RSF1: variants seen among roughly 807,000 people sequenced by gnomAD.
RSF1 encodes the protein HBV pX-associated protein 8.
In RSF1, 13 loss-of-function variants were observed where a neutral mutation model predicts 145.2. The observed-to-expected ratio is 0.09, with a 90% CI of 0.06 to 0.14. RSF1 has a LOEUF of 0.14. Among genes scored for constraint, RSF1 ranks in the 10% least tolerant of loss-of-function variants. The probability of loss-of-function intolerance (pLI) is 1.00; values close to 1 mark genes in which losing one functional copy is unlikely to be tolerated. For missense variants in RSF1, 1,517 were observed against 1,718.2 expected (o/e 0.88, Z 2.07); for synonymous variants, 577 against 592.6 (o/e 0.97, Z 0.38).
the RSF1 span, among the ~76,000 whole-genome samples, chr11:77,867,690 G>C: frequency 2.0e-5 from 3 of 152,176 alleles, no homozygotes; most frequent in Non-Finnish European, 1.5e-5. Flanking sequence ...AGTAGGTTGG[G>C]CTGGTAGTTC....
the RSF1 span, among the ~76,000 whole-genome samples, chr11:77,867,890 T>G: frequency 6.6e-6 from 1 of 152,164 alleles, no homozygotes; most frequent in Non-Finnish European, 1.5e-5. Context: ...CTGGGAAGAT[T>G]AGGAAGTTCA....
chr11:77,668,714 A>G (rs1257729036), intron 15 of RSF1, among the ~76,000 whole-genome samples: 1 of 152,202 alleles, frequency 6.6e-6, no homozygotes, highest in Non-Finnish European at 1.5e-5. Context: ...TATTCTAGAG[A>G]TTTATTTAAA....
intron 2 of RSF1, among the ~76,000 whole-genome samples, chr11:77,750,153 T>G (rs1948046823): frequency 2.0e-5 from 3 of 151,416 alleles, no homozygotes; most frequent in Admixed American, 1.3e-4. Context: ...TAACCTACTG[T>G]TACCACAAAA....
At chr11:77,841,499 C>T in the RSF1 span, among the ~76,000 whole-genome samples, 1 of 152,144 alleles carries the variant, frequency 6.6e-6, no homozygotes, top group East Asian at 1.9e-4. Flanking sequence ...CTTTCTCTCT[C>T]TACTGATGGA....
chr11:77,853,660 A>T, the RSF1 span, among the ~76,000 whole-genome samples: 1 of 152,132 alleles, frequency 6.6e-6, no homozygotes, highest in Non-Finnish European at 1.5e-5. Flanking sequence ...AATTACAGCC[A>T]TGCCAGGCAG....
At chr11:77,837,322 A>G in the RSF1 span, among the ~76,000 whole-genome samples, 1 of 152,080 alleles carries the variant, frequency 6.6e-6, no homozygotes, top group East Asian at 1.9e-4. Flanking sequence ...TTTTTAGTAG[A>G]GACAGGGTTT....
At chr11:77,688,557 G>T (rs72947625) in intron 9 of RSF1, among the ~76,000 whole-genome samples, 25,836 of 152,182 alleles carry the variant, frequency 0.17, 2,670 homozygotes, top group Non-Finnish European at 0.24. Context: ...ATTTCATACA[G>T]GATCATTCTT....
At chr11:77,668,910 C>A (rs1959445253) in intron 15 of RSF1, among the ~76,000 whole-genome samples, 1 of 13,642 alleles carries the variant, frequency 7.3e-5, no homozygotes, top group South Asian at 4.9e-3. Context: ...CATCTATGTG[C>A]TAACGGCTCT....
chr11:77,700,852 C>T lies in RSF1; in HGVS notation c.2377G>A (p.Asp793Asn). ...CCTCTTTTTTTATCAGCTTTCTGAT[C>T]TCTGATCTCAGCCACTTTTGCAGTG... ...RPTAKVAEIR[D>N]QKADKKRGEG... Residue 793 changes from aspartate (D) to asparagine (N), a missense_variant, in exon 6 of 16, where the codon GAT becomes AAT. Coordinates refer to ENST00000308488, the MANE Select transcript of RSF1 (RefSeq NM_016578.4). 3 of 1,613,726 alleles carry T rather than the reference C, an allele frequency of 1.9e-6. No individual in the cohort carries two copies. The highest frequency in any genetic ancestry group is 2.5e-6 in the Non-Finnish European group (3 of 1,179,994).
At chr11:77,780,811 C>T (rs945407426) in intron 1 of RSF1, among the ~76,000 whole-genome samples, 75 of 121,884 alleles carry the variant, frequency 6.2e-4, no homozygotes, top group African/African-American at 2.2e-3. Flanking sequence ...GGTGACAGAG[C>T]GAGACTCCGT....
chr11:77,710,602 T>A (rs1256537067), intron 5 of RSF1, among the ~76,000 whole-genome samples: 1 of 152,190 alleles, frequency 6.6e-6, no homozygotes, highest in Non-Finnish European at 1.5e-5. Flanking sequence ...TCAATTTCTG[T>A]GGCAAAACTA....
chr11:77,847,988 T>C, the RSF1 span, among the ~76,000 whole-genome samples: 10 of 152,280 alleles, frequency 6.6e-5, no homozygotes, highest in East Asian at 1.5e-3. Flanking sequence ...CTTCCTCTGC[T>C]TTATGTTCTT....
intron 12 of RSF1, among the ~76,000 whole-genome samples, chr11:77,677,596 C>A: frequency 6.6e-6 from 1 of 152,126 alleles, no homozygotes; most frequent in East Asian, 1.9e-4. Flanking sequence ...CCAGAATGTT[C>A]CATATTGGAG....
At chr11:77,839,107 A>G in the RSF1 span, among the ~76,000 whole-genome samples, 1 of 152,038 alleles carries the variant, frequency 6.6e-6, no homozygotes, top group East Asian at 1.9e-4. Flanking sequence ...TTCTGAGAAT[A>G]CTCAATTACT....
intron 1 of RSF1, 138 bp from the exon 2 acceptor site, chr11:77,764,827 C>A (rs572224123): frequency 3.6e-6 from 2 of 560,518 alleles, no homozygotes; most frequent in Non-Finnish European, 6.1e-6. Flanking sequence ...AACTTTTAGA[C>A]CTCTGAATCA....
At chr11:77,672,769 AC>A (rs1310656278) in intron 14 of RSF1, among the ~76,000 whole-genome samples, 1 of 152,042 alleles carries the variant, frequency 6.6e-6, no homozygotes, top group African/African-American at 2.4e-5. Flanking sequence ...TGCAAACTCC[AC>A]TTCCCGGGTT....
intron 11 of RSF1, 81 bp downstream of exon 11, chr11:77,683,629 A>T (rs575784799): frequency 1.4e-5 from 12 of 834,620 alleles, no homozygotes; most frequent in Middle Eastern, 2.3e-4. Flanking sequence ...GCATGATAGA[A>T]AAAGCATATA....
intron 3 of RSF1, among the ~76,000 whole-genome samples, chr11:77,743,714 T>C (rs571768109): frequency 6.6e-6 from 1 of 152,362 alleles, no homozygotes; most frequent in Non-Finnish European, 1.5e-5. Context: ...TATTTCTTTT[T>C]GTACCTAACT....
chr11:77,776,232 A>T (rs958655217), intron 1 of RSF1, among the ~76,000 whole-genome samples: 6 of 152,202 alleles, frequency 3.9e-5, no homozygotes, highest in Admixed American at 3.9e-4. Flanking sequence ...AAACAAACAA[A>T]AACGGGGAAA....
Sources: gnomAD v4.1 joint callset for allele counts (sites outside exome capture counted in the v4.1 genomes callset) on GRCh38, gnomAD v4.1.1 for gene constraint, MANE v1.5 for transcripts, NCBI Gene and HGNC (gene_info 2026-07-23, HGNC 2026-07-21) for gene names.